SLC2A13: variants seen among roughly 807,000 people sequenced by gnomAD.
SLC2A13 encodes the protein proton myo-inositol cotransporter.
SLC2A13 carries 32 observed loss-of-function variants against 64.4 expected under a neutral mutation model. That is an observed-to-expected ratio of 0.50 (90% CI 0.37 to 0.67). The LOEUF (loss-of-function observed/expected upper bound fraction) is 0.67, where lower values mean the gene tolerates loss of function less well. Among genes scored for constraint, SLC2A13 ranks in the 30% least tolerant of loss-of-function variants. The pLI, the probability that SLC2A13 is intolerant of heterozygous loss-of-function variation, is 0.00. For synonymous variants in SLC2A13, 338 were observed against 327.1 expected, an observed-to-expected ratio of 1.03 and a Z score of -0.36; for missense variants, 743 against 829.2, an observed-to-expected ratio of 0.90 and a Z score of 1.28.
chr12:39,957,715 C>T (rs1281129213), intron 3 of SLC2A13, among the ~76,000 whole-genome samples: 1 of 152,190 alleles, frequency 6.6e-6, no homozygotes, highest in Non-Finnish European at 1.5e-5. Context: ...TAACTGGCTC[C>T]CAATCATGTT....
At chr12:40,023,149 C>T (rs1467386155) in intron 3 of SLC2A13, among the ~76,000 whole-genome samples, 1 of 152,236 alleles carries the variant, frequency 6.6e-6, no homozygotes, top group Non-Finnish European at 1.5e-5. Context: ...GTGGTTCTAA[C>T]ACCACCATCT....
At chr12:39,962,718 T>C (rs1427742952) in intron 3 of SLC2A13, among the ~76,000 whole-genome samples, 2 of 152,168 alleles carry the variant, frequency 1.3e-5, no homozygotes, top group Non-Finnish European at 2.9e-5. Flanking sequence ...AAAAAGAATA[T>C]ATATGACTTG....
intron 4 of SLC2A13, among the ~76,000 whole-genome samples, chr12:39,899,826 T>C (rs1001073973): frequency 6.6e-6 from 1 of 152,182 alleles, no homozygotes; most frequent in African/African-American, 2.4e-5. Flanking sequence ...TCTAGTTTGA[T>C]TGCACTGTGG....
At chr12:39,787,996 G>A (rs1429720429) in intron 7 of SLC2A13, among the ~76,000 whole-genome samples, 1 of 152,112 alleles carries the variant, frequency 6.6e-6, no homozygotes, top group Non-Finnish European at 1.5e-5. Flanking sequence ...GCCAAGGAAT[G>A]AGAATGTAGT....
chr12:39,948,954 T>C (rs978217582), intron 4 of SLC2A13, among the ~76,000 whole-genome samples: 8 of 152,194 alleles, frequency 5.3e-5, no homozygotes, highest in African/African-American at 1.9e-4. Context: ...ACAAAGTTTA[T>C]GATAGTATTT....
chr12:40,030,428 C>CTCATTATT (rs1265771516), intron 2 of SLC2A13, among the ~76,000 whole-genome samples: 12 of 152,050 alleles, frequency 7.9e-5, no homozygotes, highest in African/African-American at 2.9e-4. Flanking sequence ...TACTATATTG[C>CTCATTATT]TCATTATTTA....
In SLC2A13 at chr12:39,803,432, G is replaced by A. The variant is rs561862313; in HGVS notation, c.1445+26671C>T. On this transcript the variant is annotated intron_variant, in intron 7 of 9. Transcript: ENST00000280871. ...TTTAGACCATAAAACTATCACTTAGGAGCAAAAATAAGCATGAGTATAATT... is the reference window on the plus strand; with the variant it reads ...TTTAGACCATAAAACTATCACTTAGAAGCAAAAATAAGCATGAGTATAATT... 3.3e-5 allele frequency among the ~76,000 whole-genome samples: 5 copies of A among 151,980 alleles called. No individual in the cohort carries two copies. The East Asian group carries it at 9.7e-4, about 29-fold the overall frequency.
chr12:40,013,192 C>T (rs1463259404), intron 3 of SLC2A13, among the ~76,000 whole-genome samples: 1 of 151,336 alleles, frequency 6.6e-6, no homozygotes, highest in Non-Finnish European at 1.5e-5. Context: ...AAAAAAAAAC[C>T]TGAGTAATAT....
At chr12:40,003,678 G>GT (rs141336962) in intron 3 of SLC2A13, among the ~76,000 whole-genome samples, 2,143 of 146,388 alleles carry the variant, frequency 0.015, 44 homozygotes, top group African/African-American at 0.048. Context: ...ATCATCGTGG[G>GT]TTTTTTTTTT....
At chr12:39,804,403 G>C (rs1233870250) in intron 7 of SLC2A13, among the ~76,000 whole-genome samples, 3 of 152,092 alleles carry the variant, frequency 2.0e-5, no homozygotes, top group African/African-American at 7.2e-5. Context: ...AAGAGAAACT[G>C]ACAACTTCAC....
intron 4 of SLC2A13, among the ~76,000 whole-genome samples, chr12:39,919,234 T>C (rs903053636): frequency 6.6e-6 from 1 of 152,108 alleles, no homozygotes; most frequent in African/African-American, 2.4e-5. Flanking sequence ...CGGCCGATTA[T>C]AAATATTGTA....
At chr12:39,970,365 C>T (rs1045593010) in intron 3 of SLC2A13, among the ~76,000 whole-genome samples, 3 of 152,298 alleles carry the variant, frequency 2.0e-5, no homozygotes, top group Non-Finnish European at 1.5e-5. Context: ...TCTATTGAAA[C>T]TACTCTCAAA....
At chr12:39,845,653 C>T (rs908113299) in intron 6 of SLC2A13, among the ~76,000 whole-genome samples, 20 of 152,060 alleles carry the variant, frequency 1.3e-4, no homozygotes, top group Non-Finnish European at 2.2e-4. Context: ...GTGACACAGA[C>T]GAAATGAGAT....
chr12:39,973,576 C>A (rs182470486), intron 3 of SLC2A13, among the ~76,000 whole-genome samples: 51 of 152,312 alleles, frequency 3.3e-4, no homozygotes, highest in Non-Finnish European at 6.3e-4. Flanking sequence ...AAATATACAA[C>A]TGGTATCTCA....
rs567067359 is a variant in SLC2A13 at position 40,060,096 on chromosome 12, CATGGATGGATGG to C, written c.557-11898_557-11887del. On this transcript the variant is annotated intron_variant, in intron 1 of 9. Coordinates refer to ENST00000280871, the MANE Select transcript of SLC2A13 (RefSeq NM_052885.4). The stretch of plus-strand genomic sequence containing the variant: ...TAATGGACGGATGGATGGATGGATG[CATGGATGGATGG>C]ATGGATGGATGGATGGATGCATCGA... Among the ~76,000 whole-genome samples, 21 of 151,328 alleles carry C rather than the reference CATGGATGGATGG, an allele frequency of 1.4e-4. No homozygotes were observed. In the East Asian group the frequency reaches 1.6e-3, roughly 11 times the overall value.
intron 4 of SLC2A13, among the ~76,000 whole-genome samples, chr12:39,873,526 A>G (rs538720332): frequency 6.6e-6 from 1 of 152,358 alleles, no homozygotes; most frequent in South Asian, 2.1e-4. Flanking sequence ...AAATTCAAAT[A>G]TTTAAAGCCA....
intron 1 of SLC2A13, among the ~76,000 whole-genome samples, chr12:40,104,845 G>C (rs1321008526): frequency 6.6e-6 from 1 of 152,238 alleles, no homozygotes; most frequent in East Asian, 1.9e-4. Flanking sequence ...AAAGGGGCTA[G>C]CAGTGGAGAG....
intron 4 of SLC2A13, among the ~76,000 whole-genome samples, chr12:39,896,777 G>T (rs912548749): frequency 1.3e-5 from 2 of 151,854 alleles, no homozygotes; most frequent in Admixed American, 6.6e-5. Context: ...TAATCAAAAG[G>T]TTATAAAAGT....
In SLC2A13 at chr12:39,895,545, TATATATACAC is replaced by T. The variant is rs1444653231; in HGVS notation, c.1035-23594_1035-23585del. ...ATATATATATATATATATATATATA[TATATATACAC>T]ACACACACACACGTGTATATGTATA... On this transcript the variant is annotated intron_variant, in intron 4 of 9. Coordinates refer to ENST00000280871, the MANE Select transcript of SLC2A13 (RefSeq NM_052885.4). 4.3e-4 allele frequency among the ~76,000 whole-genome samples: 35 copies of T among 80,616 alleles called. 2 individuals are homozygous for T. The highest frequency in any genetic ancestry group is 3.2e-3 in the Admixed American group (20 of 6,164). 52.9% of individuals were successfully genotyped at this position (80,616 alleles called of 152,430 possible).
Sources: gnomAD v4.1 joint callset for allele counts (sites outside exome capture counted in the v4.1 genomes callset) on GRCh38, gnomAD v4.1.1 for gene constraint, MANE v1.5 for transcripts, NCBI Gene and HGNC (gene_info 2026-07-23, HGNC 2026-07-21) for gene names.